MYOF: variants seen among roughly 807,000 people sequenced by gnomAD.
The protein encoded by MYOF is fer-1-like 3, myoferlin.
MYOF carries 244 observed loss-of-function variants against 284.2 expected under a neutral mutation model. That is an observed-to-expected ratio of 0.86 (90% CI 0.77 to 0.95). The LOEUF is 0.95. MYOF is among the 40% of genes least tolerant of loss of function. The pLI, the probability that MYOF is intolerant of heterozygous loss-of-function variation, is 0.00. For missense variants in MYOF, 2,496 were observed against 2,560.6 expected, an observed-to-expected ratio of 0.97 and a Z score of 0.54; for synonymous variants, 904 against 919.7, an observed-to-expected ratio of 0.98 and a Z score of 0.31.
intron 5 of MYOF, among the ~76,000 whole-genome samples, chr10:93,415,459 G>A (rs1357562155): frequency 6.6e-6 from 1 of 152,200 alleles, no homozygotes; most frequent in Non-Finnish European, 1.5e-5. Flanking sequence ...GTCTGAGATG[G>A]CCACTAATTA....
intron 39 of MYOF, among the ~76,000 whole-genome samples, chr10:93,339,873 A>G (rs1425568036): frequency 6.6e-6 from 1 of 151,868 alleles, no homozygotes; most frequent in Non-Finnish European, 1.5e-5. Flanking sequence ...AGGTCAGGAG[A>G]TCGAGACCAT....
Position 93,404,008 on chromosome 10 carries a change from A to G in MYOF, c.843+15T>C. The G allele has an allele frequency of 6.2e-7, 1 of 1,612,458 alleles. No homozygotes were observed. The highest frequency in any genetic ancestry group is 8.5e-7 in the Non-Finnish European group (1 of 1,178,462). On this transcript the variant is annotated intron_variant, in intron 9 of 53. Coordinates refer to ENST00000359263, the MANE Select transcript of MYOF (RefSeq NM_013451.4). ...TCTTTCTGTAAGTTGAATGAAGCAG[A>G]CTGTTGTCACTCACCTTAAATTCCC...
Position 93,482,160 on chromosome 10 carries a change from A to C in MYOF, c.35T>G (p.Ile12Ser). ...CGGCTTGCCAAATTTCGTTTTAGGG[A>C]TATTGCTGGCAGATTCCACAATCAC... ...LRVIVESASNIPKTKFGKPDP... is the reference protein window; with the variant it reads ...LRVIVESASNSPKTKFGKPDP... The change falls in exon 1 of 54, where the codon ATC becomes AGC. Residue 12 changes from isoleucine (I) to serine (S), a missense_variant. Ile to Ser is a moderately radical substitution (Grantham distance 142, BLOSUM62 -2). Around this residue, in one of 3 missense-constraint regions of MYOF, gnomAD observed 57 missense variants for 62.4 expected, o/e 0.91. Coordinates refer to ENST00000359263, the MANE Select transcript of MYOF (RefSeq NM_013451.4). 1 of 1,614,186 alleles carries C rather than the reference A, an allele frequency of 6.2e-7. No individual in the cohort carries two copies. Among genetic ancestry groups the C allele is most frequent in the Non-Finnish European group, 8.5e-7 (1 of 1,180,022 alleles).
Position 93,374,864 on chromosome 10 carries a change from G to A in MYOF, c.2200C>T (p.His734Tyr), listed in dbSNP as rs1436655627. ...GACCTCATCCTCACAGCCGCCTCATGTATTTGGGAGAGAGACCTGGACCGC... is the reference window on the plus strand; with the variant it reads ...GACCTCATCCTCACAGCCGCCTCATATATTTGGGAGAGAGACCTGGACCGC... ...KLRSRSLSQI[H>Y]EAAVRMRSEA... Residue 734 changes from histidine (H) to tyrosine (Y), a missense_variant, in exon 23 of 54, where the codon CAT (histidine) becomes TAT (tyrosine). Physicochemically the swap from His to Tyr is moderately conservative, Grantham distance 83. Transcript: ENST00000359263. 2 of 1,614,174 alleles carry A rather than the reference G, an allele frequency of 1.2e-6. No homozygotes were observed. Among genetic ancestry groups the A allele is most frequent in the Admixed American group, 1.7e-5 (1 of 60,018 alleles).
At chr10:93,371,845 C>T (rs1361954571) in intron 24 of MYOF, among the ~76,000 whole-genome samples, 3 of 152,150 alleles carry the variant, frequency 2.0e-5, no homozygotes, top group South Asian at 4.1e-4. Context: ...AAAACATTCT[C>T]TTAAAAGCAT....
At chr10:93,403,479 C>A (rs1257246950) in intron 9 of MYOF, among the ~76,000 whole-genome samples, 2 of 152,226 alleles carry the variant, frequency 1.3e-5, no homozygotes, top group Non-Finnish European at 1.5e-5. Context: ...GAACACAGGT[C>A]TGCCTGACCC....
intron 3 of MYOF, 24 bp from the exon 4 acceptor site, chr10:93,431,540 A>G (rs1294980874): frequency 6.3e-7 from 1 of 1,590,808 alleles, no homozygotes; most frequent in African/African-American, 1.3e-5. Flanking sequence ...AGGAAAGCAC[A>G]TAGCAGCCTA....
intron 45 of MYOF, among the ~76,000 whole-genome samples, chr10:93,327,212 G>C (rs1297655403): frequency 2.6e-5 from 4 of 151,992 alleles, no homozygotes; most frequent in African/African-American, 9.7e-5. Flanking sequence ...ATCAGCCCCA[G>C]CCGAGAGCCA....
intron 19 of MYOF, among the ~76,000 whole-genome samples, chr10:93,386,313 C>T (rs1024012793): frequency 6.6e-6 from 1 of 152,184 alleles, no homozygotes; most frequent in African/African-American, 2.4e-5. Flanking sequence ...AATTTTTCCT[C>T]AAGATCTATT....
chr10:93,337,654 C>G, intron 40 of MYOF, 161 bp downstream of exon 40: 1 of 588,490 alleles, frequency 1.7e-6, no homozygotes, highest in Non-Finnish European at 3.0e-6. Flanking sequence ...CTTGGCAAAG[C>G]CGAAACTCAT....
chr10:93,340,005 G>A (rs562798089), intron 39 of MYOF, 148 bp downstream of exon 39: 1,106 of 754,402 alleles, frequency 1.5e-3, no homozygotes, highest in Non-Finnish European at 2.1e-3. Context: ...CGTGAACCCC[G>A]GGGGGCGGAG....
intron 1 of MYOF, among the ~76,000 whole-genome samples, chr10:93,460,980 C>A (rs374365206): frequency 6.8e-6 from 1 of 146,382 alleles, no homozygotes; most frequent in Non-Finnish European, 1.5e-5. Flanking sequence ...CTGTAATCCC[C>A]GATACTCGGG....
At chr10:93,349,421 GCCAGTCCTTAT>G (rs1328376015) in intron 36 of MYOF, among the ~76,000 whole-genome samples, 1 of 152,220 alleles carries the variant, frequency 6.6e-6, no homozygotes, top group East Asian at 1.9e-4. Context: ...TCCCCAGACA[GCCAGTCCTTAT>G]CCAGAAGGTT....
rs188831994 is a variant in MYOF at position 93,351,912 on chromosome 10, T to G, written c.3482-66A>C. 180 of 1,381,356 alleles carry G rather than the reference T, an allele frequency of 1.3e-4. 2 individuals are homozygous for G. The East Asian group carries it at 2.8e-3, about 22-fold the overall frequency. The allele number at this position is 1,381,356 out of a possible 1,614,324, so 85.6% of individuals were successfully genotyped here. A position where few individuals can be genotyped will look rare whatever the true frequency, so the allele number is the denominator to read the frequency against. On this transcript the variant is annotated intron_variant, in intron 32 of 53. Coordinates refer to ENST00000359263, the MANE Select transcript of MYOF (RefSeq NM_013451.4). ...AATCTAACTCCCCAGAACCACTCAG[T>G]GCAACCATATTCTTTTCCTCTGGAT...
chr10:93,375,472 T>A (rs10882225), intron 22 of MYOF, among the ~76,000 whole-genome samples: 1 of 152,062 alleles, frequency 6.6e-6, no homozygotes, highest in Non-Finnish European at 1.5e-5. Context: ...TGTCAACACG[T>A]AGTGTGATGT....
At chr10:93,441,527 G>C (rs2056251858) in intron 3 of MYOF, among the ~76,000 whole-genome samples, 2 of 151,212 alleles carry the variant, frequency 1.3e-5, no homozygotes, top group African/African-American at 2.4e-5. Context: ...TGGGATTACA[G>C]GTGCCCGCCA....
intron 48 of MYOF, among the ~76,000 whole-genome samples, chr10:93,321,413 T>G (rs1204067498): frequency 2.2e-5 from 1 of 44,490 alleles, no homozygotes; most frequent in African/African-American, 7.1e-5. Context: ...ACTATTAACC[T>G]TTTTTTTTTT....
chr10:93,376,954 T>C (rs1845864120), intron 22 of MYOF, among the ~76,000 whole-genome samples: 1 of 152,174 alleles, frequency 6.6e-6, no homozygotes, highest in African/African-American at 2.4e-5. Context: ...CCAGATCCCA[T>C]TCTCCGTAGG....
rs528305639 is a variant in MYOF, at chr10:93,400,228, T to C, written c.1118-733A>G. Among the ~76,000 whole-genome samples the C allele has an allele frequency of 3.3e-5, 5 of 152,110 alleles. No homozygotes were observed. The East Asian group carries it at 9.7e-4, about 29-fold the overall frequency. On this transcript the variant is annotated intron_variant, in intron 12 of 53. Coordinates refer to ENST00000359263, the MANE Select transcript of MYOF (RefSeq NM_013451.4). ...GAAAATTTGACATAATCACAAATAA[T>C]ATATTTAATCAACTACAATCTATAG... is the stretch of plus-strand genomic sequence containing the variant.
Sources: gnomAD v4.1 joint callset for allele counts (sites outside exome capture counted in the v4.1 genomes callset) on GRCh38, gnomAD v4.1.1 for gene constraint, gnomAD v4.1.1 regional missense constraint, MANE v1.5 for transcripts, NCBI Gene and HGNC (gene_info 2026-07-23, HGNC 2026-07-21) for gene names.